MOV10L1: variants seen among roughly 807,000 people sequenced by gnomAD.
MOV10L1 encodes the protein Mov10 like RNA helicase 1, also known as RNA helicase Mov10l1.
A neutral mutation model predicts 143.8 loss-of-function variants in MOV10L1; 110 were observed. The observed-to-expected ratio is 0.76, with a 90% CI of 0.66 to 0.90. The LOEUF (loss-of-function observed/expected upper bound fraction) is 0.90. Ranked by LOEUF, MOV10L1 falls within the 40% of genes least tolerant of loss-of-function variation. MOV10L1 has a pLI of 0.00. For synonymous variants in MOV10L1, 593 were observed against 581.1 expected (o/e 1.02, Z -0.29); for missense variants, 1,406 against 1,526.8 (o/e 0.92, Z 1.32).
At chr22:50,106,967 C>T (rs1037738284) in intron 3 of MOV10L1, among the ~76,000 whole-genome samples, 2 of 151,816 alleles carry the variant, frequency 1.3e-5, no homozygotes, top group African/African-American at 4.8e-5. Flanking sequence ...TCCCAAAGTG[C>T]TGGGATTACA....
intron 22 of MOV10L1, among the ~76,000 whole-genome samples, chr22:50,153,608 C>T (rs551372386): frequency 1.3e-5 from 2 of 152,138 alleles, no homozygotes; most frequent in African/African-American, 4.8e-5. Context: ...GTGCTTCCCT[C>T]GAGGGTTGGA....
intron 3 of MOV10L1, among the ~76,000 whole-genome samples, chr22:50,104,234 T>A (rs1049826076): frequency 6.6e-6 from 1 of 152,228 alleles, no homozygotes; most frequent in African/African-American, 2.4e-5. Context: ...AGATGAAACT[T>A]TGCTTGTTAT....
intron 2 of MOV10L1, among the ~76,000 whole-genome samples, chr22:50,092,570 C>G (rs2062479787): frequency 6.6e-6 from 1 of 152,138 alleles, no homozygotes; most frequent in African/African-American, 2.4e-5. Flanking sequence ...CCCAGAGGGT[C>G]AAGGCTGCAA....
Position 50,090,022 on chromosome 22 carries a change from G to T in MOV10L1, c.-67G>T, listed in dbSNP as rs1324310699. Reference sequence around the variant, plus strand: ...GGCGACCCCATTGGTGGCGGGCGGCGGGAGCGGCGCGGGCGCGTGCGGGCG... The same window carrying T: ...GGCGACCCCATTGGTGGCGGGCGGCTGGAGCGGCGCGGGCGCGTGCGGGCG... On this transcript the variant is annotated 5_prime_UTR_variant, in exon 1 of 27. Coordinates refer to ENST00000262794, the MANE Select transcript of MOV10L1 (RefSeq NM_018995.3). 8.8e-7 allele frequency: 1 copy of T among 1,140,546 alleles called. No individual in the cohort carries two copies. The highest frequency in any genetic ancestry group is 1.1e-6 in the Non-Finnish European group (1 of 925,832). The allele number at this position is 1,140,546 out of a possible 1,614,324, so 70.7% of individuals were successfully genotyped here. A position where few individuals can be genotyped will look rare whatever the true frequency, so the allele number is the denominator to read the frequency against.
chr22:50,106,407 C>G (rs936310239), intron 3 of MOV10L1, among the ~76,000 whole-genome samples: 3 of 136,268 alleles, frequency 2.2e-5, no homozygotes, highest in Middle Eastern at 4.5e-3. Flanking sequence ...CTCAAGTGAT[C>G]TTCCCACCTC....
intron 4 of MOV10L1, 97 bp from the exon 5 acceptor site, chr22:50,108,560 A>C (rs1174488467): frequency 2.2e-6 from 3 of 1,348,114 alleles, no homozygotes; most frequent in Non-Finnish European, 3.1e-6. Context: ...TTCCTGGTGC[A>C]GCTTGTGTGC....
intron 13 of MOV10L1, among the ~76,000 whole-genome samples, chr22:50,128,860 A>G (rs1300258457): frequency 6.7e-6 from 1 of 148,596 alleles, no homozygotes; most frequent in Non-Finnish European, 1.5e-5. Context: ...TTTTTTTTTA[A>G]TAGAGATGGG....
rs201298920 is a variant in MOV10L1, at chr22:50,120,581, A to G, written c.1534A>G (p.Ile512Val). ...DRLRKCVEQKIDILTFQPLLA... is the reference protein window; with the variant it reads ...DRLRKCVEQKVDILTFQPLLA... ...ACTTAGAAAATGTGTGGAACAAAAA[A>G]TTGACATCCTGACTTTCCAGCCATT... is the stretch of plus-strand genomic sequence containing the variant. Residue 512 changes from isoleucine (I) to valine (V), a missense_variant, in exon 10 of 27, where the codon ATT (isoleucine) becomes GTT (valine). Coordinates refer to ENST00000262794, the MANE Select transcript of MOV10L1 (RefSeq NM_018995.3). The G allele has an allele frequency of 1.2e-6, 2 of 1,613,604 alleles. No individual in the cohort carries two copies. Among genetic ancestry groups the G allele is most frequent in the Non-Finnish European group, 1.7e-6 (2 of 1,179,596 alleles).
chr22:50,099,348 G>T (rs2062677000), intron 2 of MOV10L1, 95 bp from the exon 3 acceptor site: 2 of 1,429,812 alleles, frequency 1.4e-6, no homozygotes, highest in African/African-American at 1.4e-5. Flanking sequence ...TCTTGGACTT[G>T]CAGCCCTAAT....
At chr22:50,093,174 T>G (rs1406613879) in intron 2 of MOV10L1, 1 of 152,230 alleles carries the variant, frequency 6.6e-6, no homozygotes, top group Non-Finnish European at 1.5e-5. Context: ...GTGCTAGGAT[T>G]ACAGGTGTGA....
At chr22:50,154,014 C>T (rs756458987) in intron 22 of MOV10L1, among the ~76,000 whole-genome samples, 8 of 152,200 alleles carry the variant, frequency 5.3e-5, no homozygotes, top group Non-Finnish European at 8.8e-5. Context: ...GCAGTGGCCC[C>T]CAGTTGCTCT....
At chr22:50,103,073 C>T (rs924822880) in intron 3 of MOV10L1, among the ~76,000 whole-genome samples, 4 of 152,088 alleles carry the variant, frequency 2.6e-5, no homozygotes, top group Admixed American at 6.6e-5. Flanking sequence ...TAATGCCAGC[C>T]GGCCTGGGTC....
intron 12 of MOV10L1, among the ~76,000 whole-genome samples, chr22:50,127,895 C>T (rs1287708129): frequency 7.2e-5 from 11 of 152,026 alleles, no homozygotes; most frequent in Non-Finnish European, 1.5e-4. Context: ...GCCTCAGCCT[C>T]CCAAGTAGCT....
rs2063313679 is a variant in MOV10L1 at position 50,152,048 on chromosome 22, G to A, written c.2893-997G>A. Among the ~76,000 whole-genome samples the A allele has an allele frequency of 6.6e-6, 1 of 152,262 alleles. No individual in the cohort carries two copies. The highest frequency in any genetic ancestry group is 2.4e-5 in the African/African-American group (1 of 41,478). ...TTGGAGTTTGGAGTAGCACGTTGGA[G>A]GCTGGACACATTCTATTTAGGCTTG... On this transcript the variant is annotated intron_variant, in intron 21 of 26. Coordinates refer to ENST00000262794, the MANE Select transcript of MOV10L1 (RefSeq NM_018995.3). The surrounding 1 kb of genome is among the most constrained non-coding windows in gnomAD (Gnocchi z 4.4).
At chr22:50,140,167 C>T (rs1411265784) in intron 15 of MOV10L1, among the ~76,000 whole-genome samples, 1 of 152,202 alleles carries the variant, frequency 6.6e-6, no homozygotes, top group Non-Finnish European at 1.5e-5. Flanking sequence ...AAACTGTTGA[C>T]ATGCAACAAC....
intron 3 of MOV10L1, among the ~76,000 whole-genome samples, chr22:50,100,696 A>G (rs558895200): frequency 6.6e-6 from 1 of 152,022 alleles, no homozygotes; most frequent in South Asian, 2.1e-4. Flanking sequence ...TAGTAGAGAC[A>G]GGGTTTCACC....
rs375940152 is a variant in MOV10L1, at chr22:50,134,511, C to A, written c.1970-19C>A. The A allele has an allele frequency of 1.1e-5, 18 of 1,607,514 alleles. No homozygotes were observed. The African/African-American group carries it at 1.3e-4, about 12-fold the overall frequency. ...CTTTTTAGTTATACCCGTGCTCTTACCATTTTTTGTTTTAAAAGTGTTGTT... is the reference window on the plus strand; with the variant it reads ...CTTTTTAGTTATACCCGTGCTCTTAACATTTTTTGTTTTAAAAGTGTTGTT... On this transcript the variant is annotated intron_variant, in intron 14 of 26. Transcript: ENST00000262794.
chr22:50,102,036 G>A (rs1319374548), intron 3 of MOV10L1, among the ~76,000 whole-genome samples: 1 of 152,170 alleles, frequency 6.6e-6, no homozygotes, highest in Non-Finnish European at 1.5e-5. Flanking sequence ...AGATGTTGAT[G>A]GGGCAGAGAA....
At position 50,114,567 on chromosome 22, in the gene MOV10L1, C is replaced by T. The variant is rs751095347; in HGVS notation, c.1071C>T (p.Asn357=). The T allele has an allele frequency of 9.9e-6, 16 of 1,614,012 alleles. No individual in the cohort carries two copies. The highest frequency in any genetic ancestry group is 1.4e-5 in the Non-Finnish European group (16 of 1,180,024). Residue 357 remains asparagine, a synonymous_variant, in exon 7 of 27, where the codon AAC becomes AAT. Transcript: ENST00000262794. The part of the protein sequence containing the change: ...NINSLNSHTK[N]KTSQMSESSL... ...ATTCATTAAATAGCCACACAAAAAA[C>T]AAAACCTCTCAGATGTCGGAGAGCA...
Sources: gnomAD v4.1 joint callset for allele counts (sites outside exome capture counted in the v4.1 genomes callset) on GRCh38, gnomAD v4.1.1 for gene constraint, Gnocchi (gnomAD v3.1) non-coding constraint, MANE v1.5 for transcripts, NCBI Gene and HGNC (gene_info 2026-07-23, HGNC 2026-07-21) for gene names.